The following MCF2L variants were observed in gnomAD, a reference collection of about 807,000 sequenced individuals.
MCF2L encodes the protein guanine nucleotide exchange factor DBS.
Under a neutral mutation model 153.4 loss-of-function variants are expected in MCF2L, and 97 were observed. That is an observed-to-expected ratio of 0.63 (90% CI 0.54 to 0.75). The LOEUF (loss-of-function observed/expected upper bound fraction) is 0.75, where lower values mean the gene tolerates loss of function less well. MCF2L is among the 30% of genes least tolerant of loss of function. The probability of loss-of-function intolerance (pLI) is 0.00; values close to 1 mark genes in which losing one functional copy is unlikely to be tolerated. For synonymous variants in MCF2L, 659 were observed against 632.2 expected, an observed-to-expected ratio of 1.04 and a Z score of -0.64; for missense variants, 1,347 against 1,495.2, an observed-to-expected ratio of 0.90 and a Z score of 1.64.
In MCF2L at chr13:112,943,727, A is replaced by G. The variant is rs1477096215; in HGVS notation, c.169+41356A>G. 1.3e-5 allele frequency among the ~76,000 whole-genome samples: 2 copies of G among 152,054 alleles called. No individual in the cohort carries two copies. Among genetic ancestry groups the G allele is most frequent in the Non-Finnish European group, 2.9e-5 (2 of 67,986 alleles). On this transcript the variant is annotated intron_variant, in intron 2 of 29. Coordinates refer to the MCF2L transcript ENST00000375608. The surrounding 1 kb of genome is among the most constrained non-coding windows in gnomAD (Gnocchi z 4.2). ...GGACCACACCGCCGGGAGCCCGAGC[A>G]GCCTGCGGTGGCTCGGCTCGGGCCG...
chr13:113,075,425 C>A (rs2033369301), intron 11 of MCF2L, among the ~76,000 whole-genome samples: 1 of 150,394 alleles, frequency 6.6e-6, no homozygotes, highest in Admixed American at 6.6e-5. Flanking sequence ...TTCCTGGGCT[C>A]AAGGGATCCT....
In MCF2L at chr13:113,028,736, C is replaced by T. The variant is rs2085460535; in HGVS notation, c.278+3978C>T. Among the ~76,000 whole-genome samples the T allele has an allele frequency of 6.6e-6, 1 of 152,200 alleles. No individual in the cohort carries two copies. Among genetic ancestry groups the T allele is most frequent in the Non-Finnish European group, 1.5e-5 (1 of 68,020 alleles). ...AATGCCAGCTTCATTCAGCCATGAG[C>T]AGTGCTGCTGACCGTGGAGCTGTTT... On this transcript the variant is annotated intron_variant, in intron 3 of 29. Transcript: ENST00000535094. The surrounding 1 kb of genome is among the most constrained non-coding windows in gnomAD (Gnocchi z 5.4).
intron 26 of MCF2L, chr13:113,090,652 G>T: frequency 1.0e-6 from 1 of 985,500 alleles, no homozygotes; most frequent in Non-Finnish European, 1.2e-6. Flanking sequence ...ACATGGCGGG[G>T]AAATGGGCCC....
chr13:113,085,903 C>T (rs377062585), intron 20 of MCF2L, among the ~76,000 whole-genome samples: 1 of 150,902 alleles, frequency 6.6e-6, no homozygotes, highest in African/African-American at 2.4e-5. Context: ...GGGAGCTCCC[C>T]GGGGAGCAGG....
chr13:113,019,154 G>A (rs933445696), intron 2 of MCF2L, among the ~76,000 whole-genome samples: 9 of 152,250 alleles, frequency 5.9e-5, no homozygotes, highest in Admixed American at 1.3e-4. Context: ...TTTGGTCCCA[G>A]CTTACATCTC....
chr13:112,947,895 C>T (rs779911538), intron 2 of MCF2L, among the ~76,000 whole-genome samples: 1 of 152,254 alleles, frequency 6.6e-6, no homozygotes, highest in Non-Finnish European at 1.5e-5. Flanking sequence ...AGGCTATCCA[C>T]AGCATACTTT....
chr13:112,911,940 A>G (rs904936016), intron 2 of MCF2L, among the ~76,000 whole-genome samples: 1 of 152,252 alleles, frequency 6.6e-6, no homozygotes, highest in African/African-American at 2.4e-5. Flanking sequence ...TAGGTGGCCA[A>G]TCCGCCAAGA....
chr13:113,052,958 C>T (rs1211683434), intron 4 of MCF2L, among the ~76,000 whole-genome samples: 1 of 152,082 alleles, frequency 6.6e-6, no homozygotes, highest in East Asian at 1.9e-4. Context: ...CAGAGACATA[C>T]ATCACACAGG....
At chr13:112,987,734 A>G (rs907791683) in intron 1 of MCF2L, among the ~76,000 whole-genome samples, 1 of 152,186 alleles carries the variant, frequency 6.6e-6, no homozygotes, top group Non-Finnish European at 1.5e-5. Flanking sequence ...ATCCCTGTCC[A>G]GGGCCTGGAA....
intron 3 of MCF2L, chr13:113,034,116 A>G (rs540682831): frequency 1.3e-5 from 2 of 155,748 alleles, no homozygotes; most frequent in East Asian, 2.0e-4. Context: ...AATCCAGCCC[A>G]TGGCAGGCAG....
At chr13:112,988,348 G>A (rs901931521) in intron 1 of MCF2L, among the ~76,000 whole-genome samples, 2 of 152,200 alleles carry the variant, frequency 1.3e-5, no homozygotes, top group African/African-American at 4.8e-5. Flanking sequence ...AAGGAAAGTC[G>A]TGGAGAAGGC....
intron 1 of MCF2L, among the ~76,000 whole-genome samples, chr13:112,901,665 T>G (rs1448275345): frequency 6.6e-6 from 1 of 152,250 alleles, no homozygotes; most frequent in African/African-American, 2.4e-5. Context: ...CATTTAAGAT[T>G]CTTCCCAAAA....
upstream of MCF2L, chr13:112,968,773 A>G: frequency 7.4e-7 from 1 of 1,352,018 alleles, no homozygotes; most frequent in Non-Finnish European, 9.5e-7. Context: ...CGCTCGGTCC[A>G]CTCGCGGCTT....
At chr13:112,995,683 C>T (rs1290034292) in intron 1 of MCF2L, among the ~76,000 whole-genome samples, 1 of 152,090 alleles carries the variant, frequency 6.6e-6, no homozygotes, top group African/African-American at 2.4e-5. Context: ...GTGGAGGTGG[C>T]GGGCTGCTGG....
Position 113,074,513 on chromosome 13 carries a change from C to A in MCF2L, c.1066C>A (p.His356Asn). 6.2e-7 allele frequency: 1 copy of A among 1,614,060 alleles called. No individual in the cohort carries two copies. Among genetic ancestry groups the A allele is most frequent in the East Asian group, 2.2e-5 (1 of 44,878 alleles). ...CACAGACATCGGCAACAGCCTGGCG[C>A]ATGTGGAGCACCTGCTGAGGGACCT... Reference protein sequence around the residue: ...TFTDIGNSLAHVEHLLRDLAS... With the variant: ...TFTDIGNSLANVEHLLRDLAS... The change falls in exon 10 of 30, where the codon CAT (histidine) becomes AAT (asparagine). Residue 356 changes from histidine to asparagine, a missense_variant. Physicochemically the swap from His to Asn is moderately conservative, Grantham distance 68 (BLOSUM62 1). Coordinates refer to ENST00000535094, the MANE Select transcript of MCF2L (RefSeq NM_001112732.3). This position sits in a 1 kb window ranked among gnomAD's most constrained non-coding sequence, Gnocchi z 4.2.
In MCF2L at chr13:113,000,889, C is replaced by T. The variant is rs551176020; in HGVS notation, c.80-13874C>T. Among the ~76,000 whole-genome samples the T allele has an allele frequency of 6.7e-5, 7 of 103,804 alleles. No homozygotes were observed. The East Asian group carries it at 8.8e-4, about 13-fold the overall frequency. 68.1% of individuals were successfully genotyped at this position (103,804 alleles called of 152,430 possible). A position where few individuals can be genotyped will look rare whatever the true frequency, so the allele number is the denominator to read the frequency against. On this transcript the variant is annotated intron_variant, in intron 1 of 29. Transcript: ENST00000535094. ...ACCCAGCACCCCTCCCAGGCCTTCT[C>T]GGCTGGGGCTGACTCCAGCAGTGGG...
chr13:112,987,435 C>T (rs912106483), intron 1 of MCF2L, among the ~76,000 whole-genome samples: 1 of 152,250 alleles, frequency 6.6e-6, no homozygotes, highest in African/African-American at 2.4e-5. Context: ...CTCCCTTCCT[C>T]AGACAAATTA....
At chr13:113,063,766 G>T (rs936876370) in intron 5 of MCF2L, 17 of 443,590 alleles carry the variant, frequency 3.8e-5, no homozygotes, top group Non-Finnish European at 4.6e-5. Flanking sequence ...TCCTTTCTAC[G>T]GCTGAGTTCA....
chr13:112,996,710 A>G (rs1468689846), intron 1 of MCF2L, among the ~76,000 whole-genome samples: 1 of 152,196 alleles, frequency 6.6e-6, no homozygotes, highest in Non-Finnish European at 1.5e-5. Flanking sequence ...AGATGGGTTC[A>G]TGGCCCAGGA....
Sources: gnomAD v4.1 joint callset for allele counts (sites outside exome capture counted in the v4.1 genomes callset) on GRCh38, gnomAD v4.1.1 for gene constraint, Gnocchi (gnomAD v3.1) non-coding constraint, MANE v1.5 for transcripts, NCBI Gene and HGNC (gene_info 2026-07-23, HGNC 2026-07-21) for gene names.